The following ADAMTS12 variants were observed in gnomAD, a reference collection of about 807,000 sequenced individuals.
The protein encoded by ADAMTS12 is ADAM metallopeptidase with thrombospondin type 1 motif 12.
ADAMTS12 carries 118 observed loss-of-function variants against 167.8 expected under a neutral mutation model. The observed-to-expected ratio is 0.70, with a 90% CI of 0.61 to 0.82. ADAMTS12 has a LOEUF of 0.82. ADAMTS12 is among the 40% of genes least tolerant of loss of function. ADAMTS12 has a pLI of 0.00. For synonymous variants in ADAMTS12, 704 were observed against 716.9 expected, an observed-to-expected ratio of 0.98 and a Z score of 0.29; for missense variants, 1,916 against 1,998.8, an observed-to-expected ratio of 0.96 and a Z score of 0.79.
intron 5 of ADAMTS12, among the ~76,000 whole-genome samples, chr5:33,664,843 GT>G (rs1388727294): frequency 1.3e-4 from 20 of 152,144 alleles, no homozygotes; most frequent in Non-Finnish European, 2.8e-4. Flanking sequence ...TACCTGCCAT[GT>G]TCACTGCAGA....
At chr5:33,528,075 T>C (rs1277038291) in intron 23 of ADAMTS12, among the ~76,000 whole-genome samples, 1 of 150,260 alleles carries the variant, frequency 6.7e-6, no homozygotes, top group Non-Finnish European at 1.5e-5. Flanking sequence ...CAGGAAATAT[T>C]ACTCAACCAG....
At chr5:33,755,941 G>T (rs926087273) in intron 2 of ADAMTS12, among the ~76,000 whole-genome samples, 1 of 152,188 alleles carries the variant, frequency 6.6e-6, no homozygotes, top group Non-Finnish European at 1.5e-5. Flanking sequence ...CACTGGAAAA[G>T]ACATCACCTG....
intron 16 of ADAMTS12, among the ~76,000 whole-genome samples, chr5:33,609,875 T>A (rs1738639913): frequency 1.3e-5 from 2 of 152,076 alleles, no homozygotes; most frequent in African/African-American, 4.8e-5. Flanking sequence ...TCTGAAAAAA[T>A]AATACATATA....
chr5:33,794,500 T>TACA (rs1293204057), intron 2 of ADAMTS12, among the ~76,000 whole-genome samples: 1 of 111,906 alleles, frequency 8.9e-6, no homozygotes, highest in African/African-American at 3.9e-5. Context: ...CCCAGCCTGC[T>TACA]GCAGCTTATT....
At chr5:33,809,330 CACTT>C (rs1347234023) in intron 2 of ADAMTS12, among the ~76,000 whole-genome samples, 7 of 152,302 alleles carry the variant, frequency 4.6e-5, no homozygotes, top group Admixed American at 2.0e-4. Flanking sequence ...TCTACATTGA[CACTT>C]ACTTTCCACT....
chr5:33,855,639 C>T (rs1026680237), intron 2 of ADAMTS12, among the ~76,000 whole-genome samples: 10 of 151,118 alleles, frequency 6.6e-5, no homozygotes, highest in Non-Finnish European at 2.9e-5. Flanking sequence ...AAATGTGTCA[C>T]TGCAGTTTTG....
chr5:33,705,062 A>C (rs529944709), intron 3 of ADAMTS12, among the ~76,000 whole-genome samples: 11 of 151,572 alleles, frequency 7.3e-5, no homozygotes, highest in African/African-American at 2.7e-4. Flanking sequence ...CCTGTCTACC[A>C]GCCTTCCTCC....
At chr5:33,616,192 G>T in intron 14 of ADAMTS12, 120 bp from the exon 15 acceptor site, 1 of 1,378,082 alleles carries the variant, frequency 7.3e-7, no homozygotes, top group Non-Finnish European at 9.7e-7. Context: ...ACCTTGCTGG[G>T]TGGCCACTGG....
intron 2 of ADAMTS12, among the ~76,000 whole-genome samples, chr5:33,779,849 A>G (rs1156287501): frequency 6.6e-6 from 1 of 152,190 alleles, no homozygotes; most frequent in Non-Finnish European, 1.5e-5. Context: ...GTCAAAGGGT[A>G]TGAAGTTTCA....
At chr5:33,616,335 C>A (rs1739014143) in intron 14 of ADAMTS12, among the ~76,000 whole-genome samples, 1 of 152,174 alleles carries the variant, frequency 6.6e-6, no homozygotes, top group Non-Finnish European at 1.5e-5. Flanking sequence ...GACTCTGAAG[C>A]TTTTGTGGTT....
At chr5:33,797,485 C>A in intron 2 of ADAMTS12, among the ~76,000 whole-genome samples, 1 of 142,170 alleles carries the variant, frequency 7.0e-6, no homozygotes, top group Non-Finnish European at 1.6e-5. Flanking sequence ...GAGAAAGATT[C>A]TGGGATCCAG....
chr5:33,776,346 G>A (rs1483877701), intron 2 of ADAMTS12, among the ~76,000 whole-genome samples: 1 of 152,142 alleles, frequency 6.6e-6, no homozygotes, highest in African/African-American at 2.4e-5. Flanking sequence ...ACAAATTTAA[G>A]ATGACTAAAA....
intron 3 of ADAMTS12, among the ~76,000 whole-genome samples, chr5:33,687,331 T>C (rs140450527): frequency 6.6e-6 from 1 of 152,320 alleles, no homozygotes; most frequent in African/African-American, 2.4e-5. Context: ...ATCTATGAGA[T>C]AAGCCCTCTT....
intron 3 of ADAMTS12, among the ~76,000 whole-genome samples, chr5:33,732,285 G>A (rs889492993): frequency 1.3e-5 from 2 of 152,056 alleles, no homozygotes; most frequent in East Asian, 3.8e-4. Flanking sequence ...GAATGGAAAA[G>A]GACTTTGTAA....
At position 33,534,776 on chromosome 5, in the gene ADAMTS12, T is replaced by C. The variant is rs548529730; in HGVS notation, c.4606+57A>G. On this transcript the variant is annotated intron_variant, in intron 23 of 23. Transcript: ENST00000504830. ...GTAAAGCTATCTACAAGTTGTATCA[T>C]GCAGGATGACATTTGTGCAAAGATC... The C allele has an allele frequency of 1.2e-4, 188 of 1,555,012 alleles. 1 individual carries two copies. In the East Asian group the frequency reaches 4.0e-3, roughly 33 times the overall value.
intron 2 of ADAMTS12, among the ~76,000 whole-genome samples, chr5:33,769,411 T>C (rs1262341654): frequency 1.3e-5 from 2 of 152,026 alleles, no homozygotes; most frequent in Non-Finnish European, 2.9e-5. Context: ...AATGACCTAA[T>C]CCAGACAAAA....
chr5:33,762,412 G>T (rs1376707266), intron 2 of ADAMTS12, among the ~76,000 whole-genome samples: 1 of 150,004 alleles, frequency 6.7e-6, no homozygotes, highest in African/African-American at 2.5e-5. Flanking sequence ...GGAGGCTGAG[G>T]CAGGAGAATG....
At chr5:33,619,196 T>C (rs1485009271) in intron 14 of ADAMTS12, among the ~76,000 whole-genome samples, 1 of 152,130 alleles carries the variant, frequency 6.6e-6, no homozygotes, top group Non-Finnish European at 1.5e-5. Context: ...AGAAGAAGCA[T>C]TCTCATTGTC....
intron 21 of ADAMTS12, among the ~76,000 whole-genome samples, chr5:33,546,644 T>A (rs1287370463): frequency 6.6e-6 from 1 of 152,230 alleles, no homozygotes; most frequent in African/African-American, 2.4e-5. Context: ...AGTAATAAAA[T>A]GGATGGATTT....
Sources: gnomAD v4.1 joint callset for allele counts (sites outside exome capture counted in the v4.1 genomes callset) on GRCh38, gnomAD v4.1.1 for gene constraint, MANE v1.5 for transcripts, NCBI Gene and HGNC (gene_info 2026-07-23, HGNC 2026-07-21) for gene names.